PROM1: variants seen among roughly 807,000 people sequenced by gnomAD.
PROM1 encodes the protein prominin 1, also known as prominin-1.
In PROM1, 105 loss-of-function variants were observed where a neutral mutation model predicts 116.9. The observed-to-expected ratio is 0.90, with a 90% CI of 0.77 to 1.06. PROM1 has a LOEUF of 1.06. Among genes scored for constraint, PROM1 ranks in the 50% least tolerant of loss-of-function variants. PROM1 has a pLI of 0.00. For synonymous variants in PROM1, 393 were observed against 387.0 expected (o/e 1.02, Z -0.18); for missense variants, 1,122 against 1,045.2 (o/e 1.07, Z -1.01).
intron 2 of PROM1, among the ~76,000 whole-genome samples, chr4:16,054,986 G>A (rs1047126177): frequency 2.6e-5 from 4 of 152,064 alleles, no homozygotes; most frequent in Non-Finnish European, 4.4e-5. Context: ...CATGTTCCCT[G>A]GACTATTTAT....
intron 8 of PROM1, among the ~76,000 whole-genome samples, chr4:16,018,774 G>T (rs1413009704): frequency 6.6e-6 from 1 of 152,050 alleles, no homozygotes; most frequent in Non-Finnish European, 1.5e-5. Context: ...AGAAGCAGGG[G>T]GCAAGCACCA....
chr4:16,003,729 T>C (rs1319239909), intron 13 of PROM1, among the ~76,000 whole-genome samples: 2 of 152,136 alleles, frequency 1.3e-5, no homozygotes, highest in Admixed American at 6.5e-5. Context: ...GGTCGGAGGA[T>C]CTCTTGAGAC....
At chr4:16,009,986 C>G (rs566363997) in intron 11 of PROM1, among the ~76,000 whole-genome samples, 59 of 150,104 alleles carry the variant, frequency 3.9e-4, no homozygotes, top group African/African-American at 1.4e-3. Context: ...ATTCTCAAGG[C>G]CCATTTAAAA....
intron 9 of PROM1, 168 bp downstream of exon 9, chr4:16,018,155 T>C (rs1408241405): frequency 1.6e-5 from 10 of 618,224 alleles, no homozygotes; most frequent in Non-Finnish European, 5.7e-6. Context: ...GCTCCTGCTG[T>C]GGTCATTCCA....
At position 16,075,939 on chromosome 4, in the gene PROM1, C is replaced by T. The variant is rs766191925; in HGVS notation, c.-33G>A. ...AAGATCCTCCAAACATGAGGTAGAA[C>T]TTGGTGCCTCCTGCCTCAGAGCTTC... On this transcript the variant is annotated 5_prime_UTR_variant, in exon 2 of 28. Transcript: ENST00000447510. 6.4e-7 allele frequency: 1 copy of T among 1,561,908 alleles called. No homozygotes were observed. The highest frequency in any genetic ancestry group is 8.7e-7 in the Non-Finnish European group (1 of 1,151,628).
intron 15 of PROM1, among the ~76,000 whole-genome samples, chr4:15,994,832 C>T (rs1319047518): frequency 6.6e-6 from 1 of 152,182 alleles, no homozygotes; most frequent in African/African-American, 2.4e-5. Flanking sequence ...GAAGAAGCAA[C>T]TTTCCCACAT....
intron 3 of PROM1, chr4:16,038,092 C>T (rs576687004): frequency 5.9e-5 from 9 of 152,332 alleles, no homozygotes; most frequent in Middle Eastern, 3.4e-3. Context: ...CGGCTCTGCC[C>T]TTGTATGATC....
intron 13 of PROM1, 56 bp from the exon 14 acceptor site, chr4:16,000,675 T>C: frequency 2.9e-6 from 4 of 1,391,144 alleles, no homozygotes; most frequent in East Asian, 2.4e-5. Flanking sequence ...TATTACCTAC[T>C]GATACTTACT....
chr4:16,000,735 A>T, intron 13 of PROM1, 116 bp from the exon 14 acceptor site: 1 of 870,874 alleles, frequency 1.1e-6, no homozygotes, highest in Non-Finnish European at 1.6e-6. Context: ...AGTGTTATTC[A>T]GGTGAAACAG....
chr4:16,011,279 T>C (rs771100248), intron 11 of PROM1, among the ~76,000 whole-genome samples: 1 of 152,054 alleles, frequency 6.6e-6, no homozygotes, highest in Non-Finnish European at 1.5e-5. Flanking sequence ...GGTGCCAGAG[T>C]GTGACAACAA....
At chr4:16,029,693 A>T (rs1732208302) in intron 5 of PROM1, among the ~76,000 whole-genome samples, 1 of 152,258 alleles carries the variant, frequency 6.6e-6, no homozygotes, top group Non-Finnish European at 1.5e-5. Flanking sequence ...TTTTAAAATA[A>T]AAAAGGATGC....
chr4:16,038,966 A>G lies in PROM1; in HGVS notation c.256T>C (p.Ser86Pro). 6.6e-7 allele frequency: 1 copy of G among 1,506,064 alleles called. No homozygotes were observed. The highest frequency in any genetic ancestry group is 8.9e-7 in the Non-Finnish European group (1 of 1,126,258). The allele number at this position is 1,506,064 out of a possible 1,614,324, so 93.3% of individuals were successfully genotyped here. A position where few individuals can be genotyped will look rare whatever the true frequency, so the allele number is the denominator to read the frequency against. Reference sequence around the variant, plus strand: ...ATTACCTTGTCATAATCAATTTTGGATTCATATGCCTTCTGTAAGAATTTT... The same window carrying G: ...ATTACCTTGTCATAATCAATTTTGGGTTCATATGCCTTCTGTAAGAATTTT... ...LRKFLQKAYE[S>P]KIDYDKPETV... Residue 86 changes from serine to proline, a missense_variant, in exon 3 of 28, where the codon TCC (serine) becomes CCC (proline). Physicochemically the swap from Ser to Pro is moderately conservative, Grantham distance 74 (BLOSUM62 -1). Transcript: ENST00000447510.
chr4:16,034,829 A>G (rs6842053), intron 4 of PROM1, among the ~76,000 whole-genome samples: 2,247 of 152,316 alleles, frequency 0.015, 52 homozygotes, highest in African/African-American at 0.051. Flanking sequence ...ACATCCCAGC[A>G]GGGGGCTTCC....
intron 12 of PROM1, among the ~76,000 whole-genome samples, chr4:16,007,544 A>G (rs968423904): frequency 2.0e-5 from 3 of 152,240 alleles, no homozygotes; most frequent in Non-Finnish European, 4.4e-5. Flanking sequence ...AGCCACAGGC[A>G]GCCATTCTGG....
At chr4:16,032,284 A>G (rs1055587182) in intron 5 of PROM1, among the ~76,000 whole-genome samples, 5 of 152,028 alleles carry the variant, frequency 3.3e-5, no homozygotes, top group African/African-American at 9.7e-5. Flanking sequence ...CTGCATTCCA[A>G]TGAGTGGTCA....
At chr4:15,995,208 CTT>C (rs1168591929) in intron 15 of PROM1, among the ~76,000 whole-genome samples, 3 of 151,824 alleles carry the variant, frequency 2.0e-5, no homozygotes, top group Non-Finnish European at 4.4e-5. Context: ...AATGGAGAAA[CTT>C]AGGTAGGAAG....
chr4:16,033,187 T>G (rs557126551), intron 5 of PROM1, 117 bp downstream of exon 5: 123 of 868,956 alleles, frequency 1.4e-4, no homozygotes, highest in Admixed American at 1.3e-3. Flanking sequence ...GTTTGGTGGG[T>G]TTTTTTTTCA....
chr4:15,970,724 AC>A (rs1714314009), intron 27 of PROM1, among the ~76,000 whole-genome samples: 1 of 152,078 alleles, frequency 6.6e-6, no homozygotes, highest in South Asian at 2.1e-4. Flanking sequence ...TCTCTAGATC[AC>A]TCAAAATACC....
intron 3 of PROM1, among the ~76,000 whole-genome samples, chr4:16,036,942 C>A (rs183499994): frequency 4.2e-4 from 64 of 152,282 alleles, no homozygotes; most frequent in African/African-American, 1.4e-3. Flanking sequence ...CTCTCCACTG[C>A]ACCCCCACCC....
Sources: allele counts gnomAD v4.1 joint callset (sites outside exome capture counted in the v4.1 genomes callset), GRCh38; gene constraint gnomAD v4.1.1; transcripts MANE v1.5; gene names NCBI Gene and HGNC (gene_info 2026-07-23, HGNC 2026-07-21).